The following RARB variants were observed in gnomAD, a reference collection of about 807,000 sequenced individuals.
The protein encoded by RARB is retinoic acid receptor beta, also known as HBV-activated protein.
A neutral mutation model predicts 51.9 loss-of-function variants in RARB; 17 were observed. The ratio of observed to expected loss-of-function variants is 0.33; its 90% CI spans 0.22 to 0.49. RARB has a LOEUF of 0.49. RARB is among the 20% of genes least tolerant of loss of function. The probability of loss-of-function intolerance (pLI) is 0.99; values close to 1 mark genes in which losing one functional copy is unlikely to be tolerated. For synonymous variants in RARB, 215 were observed against 195.4 expected, an observed-to-expected ratio of 1.10 and a Z score of -0.84; for missense variants, 369 against 550.8, an observed-to-expected ratio of 0.67 and a Z score of 3.30.
chr3:25,262,273 C>A (rs192233682), intron 5 of RARB, among the ~76,000 whole-genome samples: 1 of 152,142 alleles, frequency 6.6e-6, no homozygotes, highest in Non-Finnish European at 1.5e-5. Flanking sequence ...CTCCCTCTAA[C>A]GTTCAGCCAT....
rs773846113 is a variant in RARB at position 25,210,529 on chromosome 3, C to CTTT, written c.178+35976_178+35978dup. ...GAAAGCCTGAAATCTTTATCTGATT[C>CTTT]TTTTTTTTTTTTTTTTTTTTTTTTG... On this transcript the variant is annotated intron_variant, in intron 5 of 11. Transcript: ENST00000383772. 5.4e-4 allele frequency among the ~76,000 whole-genome samples: 15 copies of CTTT among 27,630 alleles called. 1 individual carries two copies. The highest frequency in any genetic ancestry group is 5.0e-3 in the South Asian group (3 of 606). 18.1% of individuals were successfully genotyped at this position (27,630 alleles called of 152,430 possible).
chr3:25,082,479 A>C (rs1699027250), intron 3 of RARB, among the ~76,000 whole-genome samples: 2 of 152,160 alleles, frequency 1.3e-5, no homozygotes, highest in Non-Finnish European at 2.9e-5. Flanking sequence ...ATACACCTTC[A>C]ACTCATGTTA....
At chr3:25,466,784 T>A (rs1285894428) in intron 2 of RARB, among the ~76,000 whole-genome samples, 1 of 152,232 alleles carries the variant, frequency 6.6e-6, no homozygotes, top group Admixed American at 6.5e-5. Context: ...ATTATTCAAC[T>A]CTGTCACTGT....
At chr3:25,088,339 C>T (rs913882619) in intron 3 of RARB, among the ~76,000 whole-genome samples, 2 of 152,118 alleles carry the variant, frequency 1.3e-5, no homozygotes, top group Non-Finnish European at 2.9e-5. Flanking sequence ...CCATTGTTGT[C>T]TGTCAAGAGT....
intron 2 of RARB, among the ~76,000 whole-genome samples, chr3:25,025,793 C>T (rs1455652318): frequency 6.6e-6 from 1 of 152,048 alleles, no homozygotes; most frequent in African/African-American, 2.4e-5. Context: ...CTTTGTGAAA[C>T]AAAGAATATT....
At chr3:25,299,752 C>A (rs1703996106) in intron 5 of RARB, among the ~76,000 whole-genome samples, 2 of 148,680 alleles carry the variant, frequency 1.3e-5, no homozygotes, top group Admixed American at 6.7e-5. Flanking sequence ...AGGTCTGTGG[C>A]ACCAAAAAAA....
At chr3:25,127,218 C>G (rs1699874783) in intron 3 of RARB, among the ~76,000 whole-genome samples, 3 of 152,190 alleles carry the variant, frequency 2.0e-5, no homozygotes, top group Admixed American at 6.5e-5. Flanking sequence ...AAGCCAGACC[C>G]ATGACTGTGG....
intron 1 of RARB, among the ~76,000 whole-genome samples, chr3:24,858,066 A>G (rs1033864928): frequency 6.6e-6 from 1 of 152,242 alleles, no homozygotes; most frequent in Admixed American, 6.5e-5. Flanking sequence ...ATAAAAGACA[A>G]TTTAGAACCT....
At chr3:24,832,816 A>G (rs1702300327) in intron 1 of RARB, among the ~76,000 whole-genome samples, 1 of 151,940 alleles carries the variant, frequency 6.6e-6, no homozygotes. Context: ...TGATCCAGTT[A>G]TTTAACCTCT....
intron 3 of RARB, among the ~76,000 whole-genome samples, chr3:25,515,278 A>G (rs1698102412): frequency 6.6e-6 from 1 of 152,244 alleles, no homozygotes; most frequent in South Asian, 2.1e-4. Flanking sequence ...TGACAATAGC[A>G]AATGTTTGTG....
chr3:25,580,758 A>G, intron 5 of RARB, 36 bp downstream of exon 5: 1 of 1,534,420 alleles, frequency 6.5e-7, no homozygotes, highest in Non-Finnish European at 8.9e-7. Flanking sequence ...GGGTCTGGGG[A>G]GGGAGAGAGG....
chr3:25,021,140 G>T (rs1697627891), intron 2 of RARB, among the ~76,000 whole-genome samples: 1 of 152,142 alleles, frequency 6.6e-6, no homozygotes. Context: ...CTATGTGAAG[G>T]ATTTCAACAC....
chr3:25,220,682 C>T (rs995653641), intron 5 of RARB, among the ~76,000 whole-genome samples: 11 of 152,308 alleles, frequency 7.2e-5, no homozygotes, highest in African/African-American at 2.4e-4. Flanking sequence ...CTCCCCTTTG[C>T]CTTCCACCAT....
At chr3:25,331,838 G>A (rs1704905999) in intron 5 of RARB, among the ~76,000 whole-genome samples, 1 of 151,938 alleles carries the variant, frequency 6.6e-6, no homozygotes, top group Admixed American at 6.6e-5. Flanking sequence ...AATGATAAAG[G>A]GGATATCACC....
chr3:25,332,376 C>G (rs1451621100), intron 5 of RARB, among the ~76,000 whole-genome samples: 1 of 152,186 alleles, frequency 6.6e-6, no homozygotes, highest in Non-Finnish European at 1.5e-5. Flanking sequence ...TCAACAAACA[C>G]AAATCAATAA....
At chr3:25,030,262 G>A (rs1697843010) in intron 2 of RARB, among the ~76,000 whole-genome samples, 1 of 152,190 alleles carries the variant, frequency 6.6e-6, no homozygotes, top group Non-Finnish European at 1.5e-5. Flanking sequence ...ACATGTTAAA[G>A]CCAGCAGCGC....
At chr3:25,438,732 G>A (rs1291207709) in intron 1 of RARB, among the ~76,000 whole-genome samples, 2 of 152,164 alleles carry the variant, frequency 1.3e-5, no homozygotes, top group Non-Finnish European at 2.9e-5. Flanking sequence ...CCTGTCAGCT[G>A]AGTGAAGAAT....
intron 3 of RARB, among the ~76,000 whole-genome samples, chr3:25,071,493 A>G (rs954350227): frequency 5.3e-5 from 8 of 152,216 alleles, no homozygotes; most frequent in African/African-American, 1.9e-4. Flanking sequence ...GGTTGTGTGT[A>G]TGGCATTCCT....
chr3:25,219,402 T>C (rs138301975), intron 5 of RARB, among the ~76,000 whole-genome samples: 3 of 152,318 alleles, frequency 2.0e-5, no homozygotes, highest in African/African-American at 7.2e-5. Context: ...AACTACGTAA[T>C]GGCTCTGAGT....
Sources: gnomAD v4.1 joint callset for allele counts (sites outside exome capture counted in the v4.1 genomes callset) on GRCh38, gnomAD v4.1.1 for gene constraint, MANE v1.5 for transcripts, NCBI Gene and HGNC (gene_info 2026-07-23, HGNC 2026-07-21) for gene names.